The following SBNO2 variants were observed in gnomAD, a reference collection of about 807,000 sequenced individuals.
SBNO2 encodes the protein protein strawberry notch homolog 2.
A neutral mutation model predicts 146.3 loss-of-function variants in SBNO2; 89 were observed. That is an observed-to-expected ratio of 0.61 (90% confidence interval 0.51 to 0.73). The LOEUF (loss-of-function observed/expected upper bound fraction) is 0.73. Among genes scored for constraint, SBNO2 ranks in the 30% least tolerant of loss-of-function variants. SBNO2 has a pLI of 0.00. For missense variants in SBNO2, 2,092 were observed against 2,003.7 expected (o/e 1.04, Z -0.84); for synonymous variants, 1,147 against 892.6 (o/e 1.29, Z -5.08).
intron 4 of SBNO2, among the ~76,000 whole-genome samples, chr19:1,141,999 G>A (rs2080142038): frequency 9.3e-6 from 1 of 107,682 alleles, no homozygotes. Flanking sequence ...AGTCTGTGAA[G>A]TGAAGACCAC....
intron 4 of SBNO2, chr19:1,128,414 A>G: frequency 3.4e-6 from 1 of 290,222 alleles, no homozygotes; most frequent in Non-Finnish European, 6.7e-6. Flanking sequence ...TTTTTTTGAG[A>G]CGGATTCTTA....
At position 1,146,457 on chromosome 19, in the gene SBNO2, C is replaced by T. The variant is rs569127909; in HGVS notation, c.279+852G>A. Among the ~76,000 whole-genome samples the T allele has an allele frequency of 3.0e-4, 46 of 152,266 alleles. 1 individual carries two copies. Among genetic ancestry groups the T allele is most frequent in the Admixed American group, 2.4e-3 (37 of 15,292 alleles). On this transcript the variant is annotated intron_variant, in intron 4 of 31. Coordinates refer to ENST00000361757, the MANE Select transcript of SBNO2 (RefSeq NM_014963.3). ...ATCTGGCCGGCTTGCGCCCATCCCC[C>T]CAACAGCTCTGAGGCCCAGGCAGAT...
chr19:1,143,245 A>G (rs1378806324), intron 4 of SBNO2, among the ~76,000 whole-genome samples: 2 of 152,214 alleles, frequency 1.3e-5, no homozygotes, highest in South Asian at 4.1e-4. Flanking sequence ...TGGTAGGCTC[A>G]GGCAGGAGAA....
chr19:1,156,866 C>G (rs926706834), intron 1 of SBNO2, among the ~76,000 whole-genome samples: 1 of 152,078 alleles, frequency 6.6e-6, no homozygotes, highest in Non-Finnish European at 1.5e-5. Flanking sequence ...TCCAAGTCCC[C>G]CCACAACCCA....
rs538571160 is a variant in SBNO2 at position 1,160,530 on chromosome 19, C to T, written c.-126-6128G>A. Among the ~76,000 whole-genome samples, 58 of 152,096 alleles carry T rather than the reference C, an allele frequency of 3.8e-4. 1 individual carries two copies. In the South Asian group the frequency reaches 0.011, roughly 30 times the overall value. On this transcript the variant is annotated intron_variant, in intron 1 of 31. Coordinates refer to ENST00000361757, the MANE Select transcript of SBNO2 (RefSeq NM_014963.3). ...AACAGAGGCAGCTGGCTGGAGCCAC[C>T]GGGGGTCTCGTCCCTGCAGCCTTCG...
In SBNO2 at chr19:1,126,545, C is replaced by T. The variant is rs2079967610; in HGVS notation, c.441+1059G>A. 6.6e-6 allele frequency among the ~76,000 whole-genome samples: 1 copy of T among 151,868 alleles called. No homozygotes were observed. The highest frequency in any genetic ancestry group is 2.4e-5 in the African/African-American group (1 of 41,342). On this transcript the variant is annotated intron_variant, in intron 5 of 31. Coordinates refer to ENST00000361757, the MANE Select transcript of SBNO2 (RefSeq NM_014963.3). The surrounding 1 kb of genome is among the most constrained non-coding windows in gnomAD (Gnocchi z 4.4). ...AGCCGCCCACCATGGCTGCGGGGTGCCCTGATGCTTCCTGAGCCGCCCACC... is the reference window on the plus strand; with the variant it reads ...AGCCGCCCACCATGGCTGCGGGGTGTCCTGATGCTTCCTGAGCCGCCCACC...
At chr19:1,117,062 C>A in intron 15 of SBNO2, 136 bp from the exon 16 acceptor site, 1 of 856,668 alleles carries the variant, frequency 1.2e-6, no homozygotes, top group Non-Finnish European at 1.8e-6. Context: ...GGGCCACGGC[C>A]CCCCTACAAC....
intron 1 of SBNO2, among the ~76,000 whole-genome samples, chr19:1,163,795 G>A (rs1032898008): frequency 1.3e-5 from 2 of 152,194 alleles, no homozygotes; most frequent in South Asian, 2.1e-4. Context: ...GGATGAGGAC[G>A]AGGTGGGCCC....
rs541822244 is a variant in SBNO2, at chr19:1,144,042, C to T, written c.279+3267G>A. Among the ~76,000 whole-genome samples, 2 of 152,318 alleles carry T rather than the reference C, an allele frequency of 1.3e-5. No individual in the cohort carries two copies. Among genetic ancestry groups the T allele is most frequent in the South Asian group, 2.1e-4 (1 of 4,824 alleles). ...GGCTGGGCTGCGCTGGGGGGCACGG[C>T]GCAAAGGGCCTCGAACACCAGGCTC... On this transcript the variant is annotated intron_variant, in intron 4 of 31. Coordinates refer to ENST00000361757, the MANE Select transcript of SBNO2 (RefSeq NM_014963.3). The surrounding 1 kb of genome is among the most constrained non-coding windows in gnomAD (Gnocchi z 4.1).
At chr19:1,149,290 G>A in intron 3 of SBNO2, 79 bp downstream of exon 3, 1 of 1,362,010 alleles carries the variant, frequency 7.3e-7, no homozygotes, top group Non-Finnish European at 1.0e-6. Context: ...CTCGCGCCCT[G>A]CACCCAGAAC....
chr19:1,152,065 G>A (rs565233074), intron 2 of SBNO2, among the ~76,000 whole-genome samples: 2 of 152,330 alleles, frequency 1.3e-5, no homozygotes, highest in South Asian at 2.1e-4. Flanking sequence ...TGACGTACCC[G>A]AATGTGACGG....
chr19:1,118,420 A>T (rs2079858827), intron 14 of SBNO2, among the ~76,000 whole-genome samples: 1 of 151,994 alleles, frequency 6.6e-6, no homozygotes, highest in Non-Finnish European at 1.5e-5. Flanking sequence ...CCAAACATGG[A>T]GGGAACGACC....
At chr19:1,129,222 G>A (rs1036571410) in intron 4 of SBNO2, among the ~76,000 whole-genome samples, 1 of 152,126 alleles carries the variant, frequency 6.6e-6, no homozygotes. Context: ...GGCTGAGATC[G>A]TGCCATTGCA....
intron 4 of SBNO2, among the ~76,000 whole-genome samples, chr19:1,141,718 C>A (rs1367967592): frequency 6.6e-6 from 1 of 152,074 alleles, no homozygotes; most frequent in East Asian, 1.9e-4. Context: ...CTCAAGCGAT[C>A]CTCATGCCTC....
At chr19:1,142,181 ATG>A in intron 4 of SBNO2, among the ~76,000 whole-genome samples, 2 of 114,074 alleles carry the variant, frequency 1.8e-5, no homozygotes, top group African/African-American at 6.9e-5. Flanking sequence ...CTCCCTCCCC[ATG>A]ATCAACCCTC....
chr19:1,140,969 C>G lies in SBNO2; in HGVS notation c.279+6340G>C, dbSNP rs1306222002. Among the ~76,000 whole-genome samples, 1 of 151,818 alleles carries G rather than the reference C, an allele frequency of 6.6e-6. No individual in the cohort carries two copies. On this transcript the variant is annotated intron_variant, in intron 4 of 31. Transcript: ENST00000361757. This position sits in a 1 kb window ranked among gnomAD's most constrained non-coding sequence, Gnocchi z 4.4. ...CATCCAGTCAGGAGACAACCCCAGA[C>G]AAAACCAACGGAGAGGCACTCTGGA...
chr19:1,132,630 C>T (rs1599851623), intron 4 of SBNO2, among the ~76,000 whole-genome samples: 1 of 152,330 alleles, frequency 6.6e-6, no homozygotes, highest in South Asian at 2.1e-4. Context: ...CAGCACCCCA[C>T]GCATGCCAAG....
chr19:1,140,231 C>T lies in SBNO2; in HGVS notation c.279+7078G>A, dbSNP rs1047223975. On this transcript the variant is annotated intron_variant, in intron 4 of 31. Transcript: ENST00000361757. The surrounding 1 kb of genome is among the most constrained non-coding windows in gnomAD (Gnocchi z 4.4). Reference sequence around the variant, plus strand: ...GGGAGAATGGCATGAACCCAGGAGGCGTTGGTTGCAGTGAGCCGAGGTCAC... The same window carrying T: ...GGGAGAATGGCATGAACCCAGGAGGTGTTGGTTGCAGTGAGCCGAGGTCAC... Among the ~76,000 whole-genome samples the T allele has an allele frequency of 3.3e-5, 5 of 150,518 alleles. No individual in the cohort carries two copies. Among genetic ancestry groups the T allele is most frequent in the African/African-American group, 2.4e-5 (1 of 40,866 alleles).
chr19:1,141,129 G>T (rs2080133197), intron 4 of SBNO2, among the ~76,000 whole-genome samples: 1 of 151,806 alleles, frequency 6.6e-6, no homozygotes, highest in Middle Eastern at 3.4e-3. Flanking sequence ...CGGAGAAGAG[G>T]CACCCTGGAG....
Sources: allele counts gnomAD v4.1 joint callset (sites outside exome capture counted in the v4.1 genomes callset), GRCh38; gene constraint gnomAD v4.1.1; non-coding constraint Gnocchi (gnomAD v3.1); transcripts MANE v1.5; gene names NCBI Gene and HGNC (gene_info 2026-07-23, HGNC 2026-07-21).